The following CDH12 variants were observed in gnomAD, a reference collection of about 807,000 sequenced individuals.
CDH12 encodes the protein cadherin 12.
In CDH12, 41 loss-of-function variants were observed where a neutral mutation model predicts 74.1. The observed-to-expected ratio is 0.55, with a 90% CI of 0.43 to 0.72. The LOEUF (loss-of-function observed/expected upper bound fraction) is 0.72. Ranked by LOEUF, CDH12 falls within the 30% of genes least tolerant of loss-of-function variation. The pLI is 0.00. For missense variants in CDH12, 945 were observed against 977.2 expected (o/e 0.97, Z 0.44); for synonymous variants, 399 against 355.0 (o/e 1.12, Z -1.39).
chr5:22,047,569 A>G (rs1003717204), intron 5 of CDH12, among the ~76,000 whole-genome samples: 2 of 151,816 alleles, frequency 1.3e-5, no homozygotes, highest in East Asian at 3.9e-4. Context: ...TCATGCATTG[A>G]GTACATCTTT....
At chr5:21,856,104 A>G (rs1750742184) in intron 6 of CDH12, among the ~76,000 whole-genome samples, 1 of 151,702 alleles carries the variant, frequency 6.6e-6, no homozygotes, top group African/African-American at 2.4e-5. Flanking sequence ...TCAGGAGTGA[A>G]GACTAATATT....
At chr5:22,320,292 TA>T (rs1356410729) in intron 3 of CDH12, among the ~76,000 whole-genome samples, 2 of 152,202 alleles carry the variant, frequency 1.3e-5, no homozygotes, top group Non-Finnish European at 2.9e-5. Context: ...TTAAAATTAA[TA>T]TGTCTTATTG....
In CDH12 at chr5:21,995,171, C is replaced by T. The variant is rs115731803; in HGVS notation, c.232-19786G>A. Among the ~76,000 whole-genome samples the T allele has an allele frequency of 4.6e-3, 696 of 151,970 alleles. 9 individuals are homozygous for T. Among genetic ancestry groups the T allele is most frequent in the African/African-American group, 6.8e-3 (282 of 41,440 alleles). ...CGTTTAAGAACTGGAACACTCACCG[C>T]GATCACGGCTTAGTGCTTGAAGTCA... On this transcript the variant is annotated intron_variant, in intron 5 of 14. Coordinates refer to ENST00000382254, the MANE Select transcript of CDH12 (RefSeq NM_004061.5).
chr5:22,046,471 C>T (rs1202715600), intron 5 of CDH12, among the ~76,000 whole-genome samples: 1 of 129,056 alleles, frequency 7.7e-6, no homozygotes, highest in Non-Finnish European at 1.5e-5. Flanking sequence ...GTCTCGCTGT[C>T]GCCCAGGCTG....
At chr5:21,915,614 T>G (rs1754049883) in intron 6 of CDH12, among the ~76,000 whole-genome samples, 1 of 152,146 alleles carries the variant, frequency 6.6e-6, no homozygotes. Context: ...AGTGATAGAC[T>G]GGGTCACAAA....
chr5:22,322,299 A>G (rs543975420), intron 3 of CDH12, among the ~76,000 whole-genome samples: 2 of 152,240 alleles, frequency 1.3e-5, no homozygotes, highest in South Asian at 4.2e-4. Flanking sequence ...TAAATGTATC[A>G]GAAGCAGCAG....
intron 4 of CDH12, among the ~76,000 whole-genome samples, chr5:22,119,672 T>C (rs955701809): frequency 3.3e-5 from 5 of 152,180 alleles, no homozygotes; most frequent in Non-Finnish European, 5.9e-5. Context: ...AAAAACTTCA[T>C]GCCTTCATAG....
chr5:22,256,597 C>G (rs1401527173), intron 3 of CDH12, among the ~76,000 whole-genome samples: 1 of 152,058 alleles, frequency 6.6e-6, no homozygotes, highest in Non-Finnish European at 1.5e-5. Context: ...GCAGGACATT[C>G]AGAAAGTATT....
chr5:22,166,135 C>A (rs1309689281), intron 4 of CDH12, among the ~76,000 whole-genome samples: 1 of 152,076 alleles, frequency 6.6e-6, no homozygotes, highest in African/African-American at 2.4e-5. Context: ...ATCAGGGCCC[C>A]TTTTCAGTAA....
At chr5:22,026,796 G>A (rs868421642) in intron 5 of CDH12, among the ~76,000 whole-genome samples, 2 of 152,198 alleles carry the variant, frequency 1.3e-5, no homozygotes, top group East Asian at 1.9e-4. Context: ...CCACAATAAA[G>A]TTTCTACACT....
In CDH12 at chr5:22,090,606, T is replaced by TACACAC. The variant is rs59054021; in HGVS notation, c.-186-11750_-186-11745dup. Among the ~76,000 whole-genome samples, 1,303 of 147,660 alleles carry TACACAC rather than the reference T, an allele frequency of 8.8e-3. 19 individuals are homozygous for TACACAC. The highest frequency in any genetic ancestry group is 0.03 in the African/African-American group (1,233 of 40,526). On this transcript the variant is annotated intron_variant, in intron 4 of 14. Coordinates refer to ENST00000382254, the MANE Select transcript of CDH12 (RefSeq NM_004061.5). Reference sequence around the variant, plus strand: ...AGATAAACACACACACATACATACATACACACACACACACACACACACCCT... The same window carrying TACACAC: ...AGATAAACACACACACATACATACATACACACACACACACACACACACACACACCCT...
intron 3 of CDH12, among the ~76,000 whole-genome samples, chr5:22,215,704 C>CA (rs1437078173): frequency 6.6e-6 from 1 of 152,080 alleles, no homozygotes; most frequent in Non-Finnish European, 1.5e-5. Flanking sequence ...CTCCAAGTGG[C>CA]ATAATGTAAT....
intron 7 of CDH12, among the ~76,000 whole-genome samples, chr5:21,851,384 T>G (rs1012740551): frequency 4.0e-5 from 6 of 150,830 alleles, no homozygotes; most frequent in Non-Finnish European, 8.9e-5. Context: ...AATTAAATAT[T>G]ATAATATTTT....
At position 22,019,059 on chromosome 5, in the gene CDH12, C is replaced by CA. The variant is rs67162958; in HGVS notation, c.232-43675dup. On this transcript the variant is annotated intron_variant, in intron 5 of 14. Transcript: ENST00000382254. ...TGGGCAACAGAGCAAGACTGTGTCT[C>CA]AAAAAAAAAAAAAATTAAAAAGAAG... Among the ~76,000 whole-genome samples the CA allele has an allele frequency of 8.0e-3, 1,187 of 147,570 alleles. 17 individuals carry two copies. The highest frequency in any genetic ancestry group is 0.028 in the African/African-American group (1,124 of 40,518).
In CDH12 at chr5:22,023,315, A is replaced by G. The variant is rs1031298321; in HGVS notation, c.232-47930T>C. 3.3e-5 allele frequency among the ~76,000 whole-genome samples: 5 copies of G among 152,008 alleles called. No homozygotes were observed. In the East Asian group the frequency reaches 9.7e-4, roughly 29 times the overall value. On this transcript the variant is annotated intron_variant, in intron 5 of 14. Coordinates refer to ENST00000382254, the MANE Select transcript of CDH12 (RefSeq NM_004061.5). ...CCACCTGGACATTTTTTATTTTAAT[A>G]CCCTGTTATTTCTTGCCTTCATTAT...
At chr5:22,236,880 A>C (rs1752578555) in intron 3 of CDH12, among the ~76,000 whole-genome samples, 1 of 152,108 alleles carries the variant, frequency 6.6e-6, no homozygotes. Flanking sequence ...AGTAATATGC[A>C]TGGAGCCATT....
At chr5:22,536,652 T>C (rs1737859188) in intron 1 of CDH12, among the ~76,000 whole-genome samples, 5 of 152,224 alleles carry the variant, frequency 3.3e-5, no homozygotes, top group Admixed American at 3.3e-4. Flanking sequence ...TTCTTACAAA[T>C]TCTGTAGAGT....
intron 3 of CDH12, among the ~76,000 whole-genome samples, chr5:22,277,523 C>T (rs1486052447): frequency 3.9e-5 from 6 of 151,908 alleles, no homozygotes; most frequent in East Asian, 3.9e-4. Flanking sequence ...TTGTGACAGA[C>T]GTATGTTCTG....
intron 1 of CDH12, among the ~76,000 whole-genome samples, chr5:22,572,097 G>A (rs1472575095): frequency 1.3e-5 from 2 of 152,054 alleles, no homozygotes; most frequent in African/African-American, 2.4e-5. Context: ...CTAAAATAAG[G>A]TTTGTTTGTA....
Sources: gnomAD v4.1 joint callset for allele counts (sites outside exome capture counted in the v4.1 genomes callset) on GRCh38, gnomAD v4.1.1 for gene constraint, MANE v1.5 for transcripts, NCBI Gene and HGNC (gene_info 2026-07-23, HGNC 2026-07-21) for gene names.